DLG2: variants seen among roughly 807,000 people sequenced by gnomAD.
The protein encoded by DLG2 is disks large homolog 2.
Under a neutral mutation model 132.5 loss-of-function variants are expected in DLG2, and 45 were observed. The ratio of observed to expected loss-of-function variants is 0.34; its 90% CI spans 0.27 to 0.44. The LOEUF (loss-of-function observed/expected upper bound fraction) is 0.44, where lower values mean the gene tolerates loss of function less well. Ranked by LOEUF, DLG2 falls within the 20% of genes least tolerant of loss-of-function variation. DLG2 has a pLI of 1.00. For missense variants in DLG2, 1,045 were observed against 1,196.9 expected (o/e 0.87, Z 1.87); for synonymous variants, 424 against 419.6 (o/e 1.01, Z -0.13).
At chr11:84,142,185 C>T (rs2094880657) in intron 9 of DLG2, among the ~76,000 whole-genome samples, 1 of 151,836 alleles carries the variant, frequency 6.6e-6, no homozygotes, top group Admixed American at 6.6e-5. Context: ...GCCTGTGGTC[C>T]CAGCTACTTG....
At chr11:84,637,469 G>A (rs1235838622) in intron 6 of DLG2, among the ~76,000 whole-genome samples, 1 of 152,210 alleles carries the variant, frequency 6.6e-6, no homozygotes, top group East Asian at 1.9e-4. Flanking sequence ...TTCTAACCTA[G>A]AGAAGCAGCC....
chr11:84,432,996 T>G (rs1257492041), intron 7 of DLG2, among the ~76,000 whole-genome samples: 1 of 152,120 alleles, frequency 6.6e-6, no homozygotes, highest in African/African-American at 2.4e-5. Flanking sequence ...TGTACTCTAG[T>G]CTGGGCCACA....
At chr11:85,381,370 A>G (rs1451142660) in intron 3 of DLG2, among the ~76,000 whole-genome samples, 2 of 152,226 alleles carry the variant, frequency 1.3e-5, no homozygotes, top group African/African-American at 4.8e-5. Flanking sequence ...AAGGGTATCT[A>G]TGAAAAACTC....
chr11:85,047,144 T>G (rs1191884347), intron 6 of DLG2, among the ~76,000 whole-genome samples: 1 of 151,944 alleles, frequency 6.6e-6, no homozygotes, highest in Non-Finnish European at 1.5e-5. Flanking sequence ...CCTTATTTTA[T>G]GATCAGGGAA....
At chr11:84,483,028 G>T (rs1480365812) in intron 7 of DLG2, among the ~76,000 whole-genome samples, 1 of 152,002 alleles carries the variant, frequency 6.6e-6, no homozygotes, top group Non-Finnish European at 1.5e-5. Flanking sequence ...AGAGACAAAA[G>T]CATTCAATGT....
intron 21 of DLG2, among the ~76,000 whole-genome samples, chr11:83,504,774 G>C (rs1451293342): frequency 1.3e-5 from 2 of 152,128 alleles, no homozygotes; most frequent in African/African-American, 4.8e-5. Flanking sequence ...CGTGAATCCT[G>C]GCTATGGGAG....
At chr11:85,404,659 G>GA in intron 3 of DLG2, among the ~76,000 whole-genome samples, 1 of 151,870 alleles carries the variant, frequency 6.6e-6, no homozygotes, top group East Asian at 1.9e-4. Context: ...GAAACCAAGA[G>GA]AAAAGAGATT....
intron 6 of DLG2, among the ~76,000 whole-genome samples, chr11:84,768,128 G>C (rs563580908): frequency 1.3e-5 from 2 of 152,214 alleles, no homozygotes; most frequent in East Asian, 3.9e-4. Flanking sequence ...ATGTTTCTAA[G>C]CTTAACAACT....
At chr11:84,323,455 A>G (rs2098415518) in intron 7 of DLG2, among the ~76,000 whole-genome samples, 4 of 152,176 alleles carry the variant, frequency 2.6e-5, no homozygotes, top group Admixed American at 2.6e-4. Context: ...ATGGACATTT[A>G]GGTTGTTTCT....
intron 6 of DLG2, among the ~76,000 whole-genome samples, chr11:84,965,342 T>A (rs2062121580): frequency 6.6e-6 from 1 of 151,974 alleles, no homozygotes; most frequent in Non-Finnish European, 1.5e-5. Flanking sequence ...AATGTTCTCT[T>A]TAGATTGCAC....
At chr11:85,470,774 C>T (rs1016139660) in intron 3 of DLG2, among the ~76,000 whole-genome samples, 1 of 152,154 alleles carries the variant, frequency 6.6e-6, no homozygotes, top group Non-Finnish European at 1.5e-5. Context: ...ATGGTTCTGG[C>T]TTTCTGAGCA....
rs192061573 is a variant in DLG2 at position 84,204,104 on chromosome 11, C to G, written c.574-40593G>C. 6.8e-3 allele frequency among the ~76,000 whole-genome samples: 1,039 copies of G among 152,166 alleles called. 12 individuals are homozygous for G. The highest frequency in any genetic ancestry group is 0.018 in the African/African-American group (733 of 41,506). Reference sequence around the variant, plus strand: ...TCCCGAATAGCTGGGATTACAGGTGCCCACCACCATGCCCGGCTAATTTTG... The same window carrying G: ...TCCCGAATAGCTGGGATTACAGGTGGCCACCACCATGCCCGGCTAATTTTG... On this transcript the variant is annotated intron_variant, in intron 8 of 27. Coordinates refer to ENST00000376104, the MANE Select transcript of DLG2 (RefSeq NM_001142699.3).
At chr11:83,612,980 G>A (rs906032172) in intron 19 of DLG2, among the ~76,000 whole-genome samples, 2 of 152,188 alleles carry the variant, frequency 1.3e-5, no homozygotes, top group South Asian at 4.1e-4. Flanking sequence ...AAAATGGCTG[G>A]AAGCGAATGA....
In DLG2 at chr11:84,430,700, C is replaced by T. The variant is rs2098981966; in HGVS notation, c.519+103870G>A. On this transcript the variant is annotated intron_variant, in intron 7 of 27. Transcript: ENST00000376104. ...CTGCCCTTTGTCTACTTTCCCTGACCTTATAACAGTTGTGCTTTTTGCTCT... is the reference window on the plus strand; with the variant it reads ...CTGCCCTTTGTCTACTTTCCCTGACTTTATAACAGTTGTGCTTTTTGCTCT... Among the ~76,000 whole-genome samples the T allele has an allele frequency of 4.6e-5, 7 of 152,134 alleles. No individual in the cohort carries two copies. In the South Asian group the frequency reaches 1.4e-3, roughly 31 times the overall value.
intron 3 of DLG2, among the ~76,000 whole-genome samples, chr11:85,548,610 C>T (rs1410138591): frequency 6.6e-6 from 1 of 152,208 alleles, no homozygotes; most frequent in Admixed American, 6.5e-5. Context: ...CCCCCAGGTG[C>T]TCTGTCCCAG....
At position 83,864,640 on chromosome 11, in the gene DLG2, T is replaced by C. The variant is rs116768812; in HGVS notation, c.1565+9780A>G. On this transcript the variant is annotated intron_variant, in intron 16 of 27. Transcript: ENST00000376104. ...CCAGCACTGAAAGTCAGCAGAGAGA[T>C]TAAATAAAGGATAAACATCGCTGGC... Among the ~76,000 whole-genome samples the C allele has an allele frequency of 8.3e-3, 1,266 of 152,166 alleles. 14 individuals are homozygous for C. The highest frequency in any genetic ancestry group is 0.029 in the African/African-American group (1,204 of 41,508).
intron 11 of DLG2, among the ~76,000 whole-genome samples, chr11:84,025,828 G>A (rs894685060): frequency 3.9e-5 from 6 of 152,026 alleles, no homozygotes; most frequent in African/African-American, 1.4e-4. Context: ...GCATTTATGA[G>A]TCAAACAGCA....
intron 25 of DLG2, among the ~76,000 whole-genome samples, chr11:83,467,326 C>T (rs2091215196): frequency 6.6e-6 from 1 of 152,162 alleles, no homozygotes; most frequent in Non-Finnish European, 1.5e-5. Flanking sequence ...ATAGACACCT[C>T]ATTGTCTCAC....
chr11:83,514,635 T>C (rs1460732054), intron 21 of DLG2, among the ~76,000 whole-genome samples: 2 of 152,224 alleles, frequency 1.3e-5, no homozygotes, highest in Admixed American at 1.3e-4. Context: ...CTTCCAGTTT[T>C]TGCCCATTCA....
Sources: allele counts gnomAD v4.1 joint callset (sites outside exome capture counted in the v4.1 genomes callset), GRCh38; gene constraint gnomAD v4.1.1; transcripts MANE v1.5; gene names NCBI Gene and HGNC (gene_info 2026-07-23, HGNC 2026-07-21).